The following ETFA variants were observed in gnomAD, a reference collection of about 807,000 sequenced individuals.
ETFA encodes the protein electron transfer flavoprotein subunit alpha, mitochondrial.
A neutral mutation model predicts 46.2 loss-of-function variants in ETFA; 22 were observed. That is an observed-to-expected ratio of 0.48 (90% CI 0.34 to 0.68). The LOEUF (loss-of-function observed/expected upper bound fraction) is 0.68. Among genes scored for constraint, ETFA ranks in the 30% least tolerant of loss-of-function variants. The pLI is 0.01. For missense variants in ETFA, 345 were observed against 401.1 expected, an observed-to-expected ratio of 0.86 and a Z score of 1.19; for synonymous variants, 131 against 139.9, an observed-to-expected ratio of 0.94 and a Z score of 0.45.
At chr15:76,269,411 T>C (rs1307105590) in intron 9 of ETFA, among the ~76,000 whole-genome samples, 4 of 152,216 alleles carry the variant, frequency 2.6e-5, no homozygotes, top group Non-Finnish European at 5.9e-5. Context: ...CAAGTAGCCA[T>C]ACGTTTCAAA....
chr15:76,272,813 C>CATATATATATATATATATATATAT lies in ETFA; in HGVS notation c.816+1598_816+1599insATATATATATATATATATATATAT, dbSNP rs71143306. Among the ~76,000 whole-genome samples the CATATATATATATATATATATATAT allele has an allele frequency of 4.9e-3, 667 of 137,424 alleles. 12 individuals carry two copies. The highest frequency in any genetic ancestry group is 0.016 in the African/African-American group (557 of 34,772). The allele number at this position is 137,424 out of a possible 152,430, so 90.2% of individuals were successfully genotyped here. Reference sequence around the variant, plus strand: ...AAGACCCTGTCTCTTAAAATATATACATATATATATATATATATGCGCATG... The same window carrying CATATATATATATATATATATATAT: ...AAGACCCTGTCTCTTAAAATATATACATATATATATATATATATATATATATATATATATATATATATGCGCATG... On this transcript the variant is annotated intron_variant, in intron 9 of 11. Transcript: ENST00000557943.
intron 1 of ETFA, among the ~76,000 whole-genome samples, chr15:76,310,688 GGTCAGCCTGAAGCATATAAAAAGAC>G (rs2039988397): frequency 1.3e-5 from 2 of 152,210 alleles, no homozygotes; most frequent in African/African-American, 4.8e-5. Flanking sequence ...GTTAAAAGCA[GGTCAGCCTGAAGCATATAAAAAGAC>G]GTCTGCCTTT....
chr15:76,228,187 T>C (rs1297589738), intron 10 of ETFA: 2 of 356,748 alleles, frequency 5.6e-6, no homozygotes, highest in African/African-American at 2.1e-5. Flanking sequence ...TAACAATTGT[T>C]ATTATCATTA....
At chr15:76,307,881 A>T (rs2460158) in intron 1 of ETFA, among the ~76,000 whole-genome samples, 25,675 of 152,038 alleles carry the variant, frequency 0.17, 3,113 homozygotes, top group African/African-American at 0.34. Flanking sequence ...TTATTTTTTT[A>T]AATATGGTTT....
At chr15:76,218,004 T>C (rs1269439392) in intron 11 of ETFA, among the ~76,000 whole-genome samples, 2 of 152,226 alleles carry the variant, frequency 1.3e-5, no homozygotes, top group Non-Finnish European at 2.9e-5. Flanking sequence ...CTGGCACCAC[T>C]TCTCCCAGCT....
At chr15:76,263,689 C>T (rs2039442244) in intron 9 of ETFA, among the ~76,000 whole-genome samples, 1 of 152,062 alleles carries the variant, frequency 6.6e-6, no homozygotes, top group Non-Finnish European at 1.5e-5. Flanking sequence ...AGCAAAAATT[C>T]CAGTTTCCAT....
intron 1 of ETFA, among the ~76,000 whole-genome samples, chr15:76,307,704 G>A (rs904835870): frequency 1.3e-5 from 2 of 151,612 alleles, no homozygotes; most frequent in East Asian, 1.9e-4. Context: ...GGCTGGTCTC[G>A]AACTCCTGAG....
At chr15:76,296,922 G>C (rs1460968702) in intron 1 of ETFA, among the ~76,000 whole-genome samples, 1 of 152,158 alleles carries the variant, frequency 6.6e-6, no homozygotes, top group Non-Finnish European at 1.5e-5. Context: ...GGGGAAGGAA[G>C]GAAGTTCAGG....
intron 9 of ETFA, among the ~76,000 whole-genome samples, chr15:76,234,566 T>C (rs2456058): frequency 0.98 from 148,823 of 152,144 alleles, 72,866 homozygotes; most frequent in East Asian, 1. Flanking sequence ...CAAGGCGTGG[T>C]GGGGGACGGT....
chr15:76,287,827 A>G lies in ETFA; in HGVS notation c.451+19T>C, dbSNP rs1301022193. 2.7e-6 allele frequency: 4 copies of G among 1,469,216 alleles called. No homozygotes were observed. The highest frequency in any genetic ancestry group is 2.9e-6 in the Non-Finnish European group (3 of 1,048,112). The allele number at this position is 1,469,216 out of a possible 1,614,324, so 91.0% of individuals were successfully genotyped here. A position where few individuals can be genotyped will look rare whatever the true frequency, so the allele number is the denominator to read the frequency against. ...CTAAAATTTAACATGTTGATTAATT[A>G]TCTTCCTTGAGTACTCACCTGCATA... On this transcript the variant is annotated intron_variant, in intron 5 of 11. Coordinates refer to ENST00000557943, the MANE Select transcript of ETFA (RefSeq NM_000126.4).
chr15:76,231,496 T>A, intron 9 of ETFA, 98 bp from the exon 10 acceptor site: 2 of 745,160 alleles, frequency 2.7e-6, no homozygotes, highest in Non-Finnish European at 4.4e-6. Context: ...GCAAAAGATA[T>A]GTTAAATAAA....
chr15:76,260,062 A>G (rs771638498), intron 9 of ETFA: 1 of 1,496,512 alleles, frequency 6.7e-7, no homozygotes, highest in Non-Finnish European at 9.3e-7. Flanking sequence ...CAGCATCTTC[A>G]TAGCCACTTT....
chr15:76,289,925 ACT>A (rs1346363294), intron 4 of ETFA, among the ~76,000 whole-genome samples: 14 of 152,100 alleles, frequency 9.2e-5, no homozygotes, highest in African/African-American at 3.4e-4. Context: ...ATGGTCTAAC[ACT>A]CTGTTAGGTG....
At chr15:76,306,511 A>C (rs948014658) in intron 1 of ETFA, among the ~76,000 whole-genome samples, 7 of 151,722 alleles carry the variant, frequency 4.6e-5, no homozygotes, top group Non-Finnish European at 1.0e-4. Flanking sequence ...TGATCCACCC[A>C]CCTCAGCCTC....
intron 8 of ETFA, 106 bp from the exon 9 acceptor site, chr15:76,274,600 C>T (rs1259938318): frequency 1.1e-6 from 1 of 885,474 alleles, no homozygotes; most frequent in Non-Finnish European, 1.8e-6. Flanking sequence ...ATTCTAAGTA[C>T]TAGTATATTT....
chr15:76,269,307 G>C (rs1246709676), intron 9 of ETFA, among the ~76,000 whole-genome samples: 2 of 152,108 alleles, frequency 1.3e-5, no homozygotes, highest in Non-Finnish European at 2.9e-5. Flanking sequence ...AAAGAGTTTT[G>C]GAATATGTCT....
intron 9 of ETFA, among the ~76,000 whole-genome samples, chr15:76,238,107 T>C (rs1449637820): frequency 1.3e-5 from 2 of 152,204 alleles, no homozygotes; most frequent in Non-Finnish European, 2.9e-5. Context: ...TGTGAGTTTA[T>C]GATATAAAAT....
chr15:76,267,977 C>T (rs2039488954), intron 9 of ETFA, among the ~76,000 whole-genome samples: 1 of 152,066 alleles, frequency 6.6e-6, no homozygotes, highest in Admixed American at 6.5e-5. Context: ...GTGGACCCAC[C>T]TGTACAGTGC....
At chr15:76,221,077 C>T (rs1227874872) in intron 11 of ETFA, among the ~76,000 whole-genome samples, 2 of 152,150 alleles carry the variant, frequency 1.3e-5, no homozygotes, top group African/African-American at 4.8e-5. Context: ...AAAAACCCAA[C>T]ATGTCCATCA....
Sources: gnomAD v4.1 joint callset for allele counts (sites outside exome capture counted in the v4.1 genomes callset) on GRCh38, gnomAD v4.1.1 for gene constraint, MANE v1.5 for transcripts, NCBI Gene and HGNC (gene_info 2026-07-23, HGNC 2026-07-21) for gene names.